RIT2: variants seen among roughly 807,000 people sequenced by gnomAD.
RIT2 encodes Ras like without CAAX 2.
In RIT2, 24 loss-of-function variants were observed where a neutral mutation model predicts 23.7. The observed-to-expected ratio is 1.01, with a 90% CI of 0.73 to 1.43. The LOEUF (loss-of-function observed/expected upper bound fraction) is 1.43, where lower values mean the gene tolerates loss of function less well. Among genes scored for constraint, RIT2 ranks in the 40% most tolerant of loss-of-function variants. The pLI is 0.00. For missense variants in RIT2, 236 were observed against 266.9 expected (o/e 0.88, Z 0.81); for synonymous variants, 107 against 91.1 (o/e 1.17, Z -0.99).
At chr18:42,980,581 C>G (rs1327334351) in intron 2 of RIT2, among the ~76,000 whole-genome samples, 1 of 152,106 alleles carries the variant, frequency 6.6e-6, no homozygotes, top group African/African-American at 2.4e-5. Flanking sequence ...CCAAAGTGGC[C>G]AATCACACAC....
intron 4 of RIT2, among the ~76,000 whole-genome samples, chr18:42,849,808 T>C (rs1292614971): frequency 1.3e-5 from 2 of 152,104 alleles, no homozygotes; most frequent in Non-Finnish European, 2.9e-5. Flanking sequence ...TAGAAAACCC[T>C]AGGAAGGCAG....
chr18:42,750,070 C>T (rs1174538419), intron 4 of RIT2, among the ~76,000 whole-genome samples: 1 of 151,738 alleles, frequency 6.6e-6, no homozygotes, highest in African/African-American at 2.4e-5. Context: ...TTAGATAAAT[C>T]TTACAAACAT....
intron 4 of RIT2, among the ~76,000 whole-genome samples, chr18:42,817,261 T>C (rs1036722204): frequency 6.6e-6 from 1 of 152,158 alleles, no homozygotes; most frequent in African/African-American, 2.4e-5. Context: ...TGATTCTTTT[T>C]TAATATTTTT....
intron 3 of RIT2, among the ~76,000 whole-genome samples, chr18:42,955,352 A>C (rs1474704173): frequency 2.0e-5 from 3 of 152,208 alleles, no homozygotes; most frequent in Admixed American, 1.3e-4. Flanking sequence ...CACAAGTGAT[A>C]CCAGGCTGAT....
intron 4 of RIT2, among the ~76,000 whole-genome samples, chr18:42,842,101 T>TGCC (rs1906783641): frequency 2.0e-5 from 3 of 152,242 alleles, no homozygotes; most frequent in Admixed American, 2.0e-4. Flanking sequence ...GCAACTAATT[T>TGCC]GCCTATTAAT....
At chr18:43,085,804 T>C (rs916250411) in intron 1 of RIT2, among the ~76,000 whole-genome samples, 31 of 152,092 alleles carry the variant, frequency 2.0e-4, no homozygotes, top group African/African-American at 7.2e-5. Flanking sequence ...GGGAGGGACT[T>C]AGTGGAAGAT....
intron 1 of RIT2, among the ~76,000 whole-genome samples, chr18:43,106,225 GAAT>G (rs1358394758): frequency 1.3e-5 from 2 of 152,186 alleles, no homozygotes; most frequent in African/African-American, 2.4e-5. Context: ...GAAATTGAAA[GAAT>G]AATAGTTTGG....
intron 1 of RIT2, among the ~76,000 whole-genome samples, chr18:43,089,452 C>A (rs1384853365): frequency 5.3e-5 from 8 of 151,916 alleles, no homozygotes; most frequent in Non-Finnish European, 1.2e-4. Flanking sequence ...GAAAAACATT[C>A]CAAGGTCATG....
At chr18:42,835,851 A>G (rs1906587640) in intron 4 of RIT2, among the ~76,000 whole-genome samples, 1 of 152,198 alleles carries the variant, frequency 6.6e-6, no homozygotes, top group South Asian at 2.1e-4. Flanking sequence ...ATATGGTGTC[A>G]TTTAAATAAA....
chr18:42,944,816 A>G (rs1287159315), intron 3 of RIT2, among the ~76,000 whole-genome samples: 1 of 152,124 alleles, frequency 6.6e-6, no homozygotes, highest in African/African-American at 2.4e-5. Context: ...TAATACTCAA[A>G]GATTCTACTT....
intron 2 of RIT2, among the ~76,000 whole-genome samples, chr18:43,005,390 T>C (rs1911204018): frequency 1.3e-5 from 2 of 151,870 alleles, no homozygotes; most frequent in Admixed American, 6.6e-5. Flanking sequence ...TATACACTTT[T>C]ATCATCTCTG....
chr18:43,094,781 A>G (rs560317708), intron 1 of RIT2, among the ~76,000 whole-genome samples: 5 of 152,162 alleles, frequency 3.3e-5, no homozygotes, highest in South Asian at 4.2e-4. Context: ...TCATTGTTCA[A>G]TTCCCACCTA....
At chr18:42,934,023 G>GA (rs1353787470) in intron 3 of RIT2, among the ~76,000 whole-genome samples, 20 of 33,646 alleles carry the variant, frequency 5.9e-4, no homozygotes, top group Non-Finnish European at 7.0e-4. Context: ...TCTCACAGAA[G>GA]AAAAAAAAAA....
intron 1 of RIT2, among the ~76,000 whole-genome samples, chr18:43,062,774 TATA>T (rs1350470964): frequency 1.3e-5 from 2 of 152,174 alleles, no homozygotes; most frequent in Non-Finnish European, 2.9e-5. Flanking sequence ...GGGCAAGTGA[TATA>T]ATATTAACTG....
intron 4 of RIT2, among the ~76,000 whole-genome samples, chr18:42,817,671 G>A (rs895975691): frequency 4.6e-5 from 7 of 152,084 alleles, no homozygotes; most frequent in African/African-American, 1.4e-4. Context: ...GAAGGAGGGA[G>A]GACTTTAGGG....
intron 1 of RIT2, among the ~76,000 whole-genome samples, chr18:43,038,838 C>A (rs189878002): frequency 4.6e-5 from 7 of 151,586 alleles, no homozygotes; most frequent in Non-Finnish European, 8.8e-5. Flanking sequence ...TGTTTCTATG[C>A]ATTACATATT....
intron 1 of RIT2, among the ~76,000 whole-genome samples, chr18:43,042,136 G>A (rs1292310792): frequency 6.6e-6 from 1 of 152,178 alleles, no homozygotes; most frequent in Non-Finnish European, 1.5e-5. Context: ...TGGGAAAAAT[G>A]AGATTGGGAG....
chr18:42,897,584 T>C (rs567455491), intron 4 of RIT2, among the ~76,000 whole-genome samples: 1 of 152,228 alleles, frequency 6.6e-6, no homozygotes, highest in Non-Finnish European at 1.5e-5. Context: ...AATAAATGCA[T>C]AGCACATAAA....
At chr18:43,041,983 C>T (rs1912138658) in intron 1 of RIT2, among the ~76,000 whole-genome samples, 2 of 152,108 alleles carry the variant, frequency 1.3e-5, no homozygotes, top group African/African-American at 4.8e-5. Flanking sequence ...CTCCAACCCA[C>T]ACCCACTCCT....
Sources: allele counts gnomAD v4.1 joint callset (sites outside exome capture counted in the v4.1 genomes callset), GRCh38; gene constraint gnomAD v4.1.1; transcripts MANE v1.5; gene names NCBI Gene and HGNC (gene_info 2026-07-23, HGNC 2026-07-21).